CPE: variants seen among roughly 807,000 people sequenced by gnomAD.
CPE encodes the protein carbocypeptidase E.
Under a neutral mutation model 53.5 loss-of-function variants are expected in CPE, and 17 were observed. That is an observed-to-expected ratio of 0.32 (90% confidence interval 0.22 to 0.48). The LOEUF (loss-of-function observed/expected upper bound fraction) is 0.48. CPE is among the 20% of genes least tolerant of loss of function. CPE has a pLI of 0.99. For synonymous variants in CPE, 226 were observed against 228.8 expected (o/e 0.99, Z 0.11); for missense variants, 524 against 614.7 (o/e 0.85, Z 1.56).
At chr4:165,450,271 G>T (rs868191554) in intron 1 of CPE, among the ~76,000 whole-genome samples, 72 of 152,034 alleles carry the variant, frequency 4.7e-4, no homozygotes, top group African/African-American at 1.7e-3. Flanking sequence ...CAAGATTTTG[G>T]GGGGCTACTG....
intron 1 of CPE, among the ~76,000 whole-genome samples, chr4:165,442,399 C>T (rs1174384039): frequency 2.0e-5 from 3 of 152,074 alleles, no homozygotes; most frequent in Non-Finnish European, 4.4e-5. Context: ...GCTAGTGTAT[C>T]CACAGTACTA....
At chr4:165,438,748 A>G (rs1579261706) in intron 1 of CPE, among the ~76,000 whole-genome samples, 2 of 152,324 alleles carry the variant, frequency 1.3e-5, no homozygotes, top group Non-Finnish European at 1.5e-5. Context: ...TAAGGATTGT[A>G]AAGGCTAATG....
intron 1 of CPE, among the ~76,000 whole-genome samples, chr4:165,388,475 T>C (rs1208583263): frequency 6.6e-6 from 1 of 152,248 alleles, no homozygotes; most frequent in Non-Finnish European, 1.5e-5. Flanking sequence ...ACTATGTCCA[T>C]GCCATTTTAC....
intron 5 of CPE, 117 bp from the exon 6 acceptor site, chr4:165,487,321 C>A: frequency 2.2e-6 from 3 of 1,375,106 alleles, no homozygotes; most frequent in Non-Finnish European, 3.0e-6. Context: ...TTCCCACAGG[C>A]TTCCCAAATG....
chr4:165,401,934 A>G (rs1560870721), intron 1 of CPE, among the ~76,000 whole-genome samples: 1 of 152,214 alleles, frequency 6.6e-6, no homozygotes, highest in Non-Finnish European at 1.5e-5. Context: ...AAAGGCTGAT[A>G]GAGTAATACT....
At chr4:165,442,983 G>A (rs1198323759) in intron 1 of CPE, among the ~76,000 whole-genome samples, 1 of 152,136 alleles carries the variant, frequency 6.6e-6, no homozygotes, top group Non-Finnish European at 1.5e-5. Context: ...AGCTTACCCT[G>A]TTTTTCACTG....
chr4:165,492,873 C>A (rs956920589), intron 6 of CPE, among the ~76,000 whole-genome samples: 2 of 152,116 alleles, frequency 1.3e-5, no homozygotes, highest in African/African-American at 4.8e-5. Context: ...GGGCATAAGA[C>A]AATATGAGGA....
intron 1 of CPE, among the ~76,000 whole-genome samples, chr4:165,429,147 T>G (rs1004655519): frequency 2.0e-5 from 3 of 152,188 alleles, no homozygotes; most frequent in Non-Finnish European, 4.4e-5. Context: ...GTCAGCAATT[T>G]GGGTTGGGCT....
intron 3 of CPE, among the ~76,000 whole-genome samples, chr4:165,473,797 G>A (rs1207452044): frequency 2.0e-5 from 3 of 152,314 alleles, no homozygotes; most frequent in East Asian, 1.9e-4. Flanking sequence ...TTAGCACAGA[G>A]TAGGCAGCTC....
At chr4:165,483,892 G>A (rs1221419180) in intron 4 of CPE, among the ~76,000 whole-genome samples, 1 of 152,184 alleles carries the variant, frequency 6.6e-6, no homozygotes, top group East Asian at 1.9e-4. Context: ...AAATAAATTT[G>A]AAGACTTTGT....
At chr4:165,381,617 T>C (rs532147232) in intron 1 of CPE, 6 of 213,142 alleles carry the variant, frequency 2.8e-5, no homozygotes, top group Non-Finnish European at 4.8e-5. Flanking sequence ...TCCCTTATAT[T>C]TTTAAAAGTA....
At chr4:165,491,315 A>G (rs1732599252) in intron 6 of CPE, among the ~76,000 whole-genome samples, 1 of 152,192 alleles carries the variant, frequency 6.6e-6, no homozygotes, top group South Asian at 2.1e-4. Context: ...GGCTTATGCT[A>G]TTGATAATTT....
In CPE at chr4:165,379,100, C is replaced by G. The variant is rs933881993; in HGVS notation, c.-122C>G. 2 of 867,130 alleles carry G rather than the reference C, an allele frequency of 2.3e-6. No individual in the cohort carries two copies. Among genetic ancestry groups the G allele is most frequent in the African/African-American group, 1.8e-5 (1 of 56,590 alleles). 53.7% of individuals were successfully genotyped at this position (867,130 alleles called of 1,614,324 possible). A position where few individuals can be genotyped will look rare whatever the true frequency, so the allele number is the denominator to read the frequency against. ...ACTCATTCAGCCGGGGAAGGTGAGG[C>G]GAGTAGAGGCTGGTGCGGAACTTGC... On this transcript the variant is annotated 5_prime_UTR_variant, in exon 1 of 9. Coordinates refer to ENST00000402744, the MANE Select transcript of CPE (RefSeq NM_001873.4). This position sits in a 1 kb window ranked among gnomAD's most constrained non-coding sequence, Gnocchi z 6.0.
chr4:165,464,960 T>C lies in CPE; in HGVS notation c.504+374T>C, dbSNP rs1197417128. On this transcript the variant is annotated intron_variant, in intron 2 of 8. Transcript: ENST00000402744. ...TGAAGAGTAACGCCATGGGTGTATG[T>C]GGATGAGCCAGTGTCACAGCGCCCT... 2.6e-5 allele frequency among the ~76,000 whole-genome samples: 4 copies of C among 152,354 alleles called. No individual in the cohort carries two copies. In the South Asian group the frequency reaches 6.2e-4, roughly 24 times the overall value.
intron 1 of CPE, among the ~76,000 whole-genome samples, chr4:165,428,826 G>A (rs1731363290): frequency 6.6e-6 from 1 of 152,170 alleles, no homozygotes; most frequent in African/African-American, 2.4e-5. Flanking sequence ...GGATAGGTGT[G>A]ATTGCATTTA....
chr4:165,469,209 G>A (rs1164199441), intron 3 of CPE, among the ~76,000 whole-genome samples: 1 of 152,130 alleles, frequency 6.6e-6, no homozygotes, highest in Non-Finnish European at 1.5e-5. Context: ...CAGTCACTTG[G>A]AGGACAAATT....
chr4:165,402,229 G>T (rs1730880586), intron 1 of CPE, among the ~76,000 whole-genome samples: 9 of 152,174 alleles, frequency 5.9e-5, no homozygotes, highest in Admixed American at 5.9e-4. Flanking sequence ...GATTCTCTCA[G>T]AGTTTGCTTA....
intron 1 of CPE, among the ~76,000 whole-genome samples, chr4:165,463,982 C>T (rs150140398): frequency 1.1e-4 from 17 of 152,282 alleles, no homozygotes; most frequent in East Asian, 9.7e-4. Flanking sequence ...TCCTGGCTGC[C>T]GCCTTCTCAC....
At position 165,483,576 on chromosome 4, in the gene CPE, A is replaced by G. The variant is rs1017791918; in HGVS notation, c.791-846A>G. 7.2e-5 allele frequency among the ~76,000 whole-genome samples: 11 copies of G among 152,194 alleles called. No individual in the cohort carries two copies. In the East Asian group the frequency reaches 1.9e-3, roughly 27 times the overall value. On this transcript the variant is annotated intron_variant, in intron 4 of 8. Transcript: ENST00000402744. ...TTGAGAAATCTCTGTACTGTTCCTCATAGAAGTTATATTAATTTACATTTC... is the reference window on the plus strand; with the variant it reads ...TTGAGAAATCTCTGTACTGTTCCTCGTAGAAGTTATATTAATTTACATTTC...
Sources: gnomAD v4.1 joint callset for allele counts (sites outside exome capture counted in the v4.1 genomes callset) on GRCh38, gnomAD v4.1.1 for gene constraint, Gnocchi (gnomAD v3.1) non-coding constraint, MANE v1.5 for transcripts, NCBI Gene and HGNC (gene_info 2026-07-23, HGNC 2026-07-21) for gene names.